The following GAS7 variants were observed in gnomAD, a reference collection of about 807,000 sequenced individuals.
The protein encoded by GAS7 is growth arrest specific 7, also known as growth arrest-specific protein 7.
Under a neutral mutation model 71.1 loss-of-function variants are expected in GAS7, and 28 were observed. The ratio of observed to expected loss-of-function variants is 0.39; its 90% CI spans 0.29 to 0.54. The LOEUF (loss-of-function observed/expected upper bound fraction) is 0.54, where lower values mean the gene tolerates loss of function less well. Ranked by LOEUF, GAS7 falls within the 20% of genes least tolerant of loss-of-function variation. The probability of loss-of-function intolerance (pLI) is 0.62; values close to 1 mark genes in which losing one functional copy is unlikely to be tolerated. For synonymous variants in GAS7, 258 were observed against 245.8 expected, an observed-to-expected ratio of 1.05 and a Z score of -0.46; for missense variants, 436 against 627.8, an observed-to-expected ratio of 0.69 and a Z score of 3.27.
intron 1 of GAS7, among the ~76,000 whole-genome samples, chr17:10,195,549 A>G (rs776812999): frequency 6.6e-6 from 1 of 152,196 alleles, no homozygotes; most frequent in Non-Finnish European, 1.5e-5. Context: ...AGGCTAGTAC[A>G]GTCCATCTGT....
chr17:10,151,016 A>C (rs1343854000), intron 1 of GAS7, among the ~76,000 whole-genome samples: 1 of 152,216 alleles, frequency 6.6e-6, no homozygotes, highest in Non-Finnish European at 1.5e-5. Flanking sequence ...TAACGCATGA[A>C]GTTGTTGTTA....
intron 1 of GAS7, among the ~76,000 whole-genome samples, chr17:10,067,872 G>T (rs2073298579): frequency 6.6e-6 from 1 of 152,170 alleles, no homozygotes; most frequent in African/African-American, 2.4e-5. Context: ...AACTGAATCA[G>T]GTCCTTCGGA....
In GAS7 at chr17:9,910,874, C is replaced by G. The variant is rs2073296188; in HGVS notation, c.*6354G>C. On this transcript the variant is annotated 3_prime_UTR_variant, in exon 14 of 14. Transcript: ENST00000432992. ...GGAAGGATATACAATGTGGAGGAAA[C>G]ACATTCATACCGGGGTGAGGAGTGC... is the stretch of plus-strand genomic sequence containing the variant. 1 of 229,008 alleles carries G rather than the reference C, an allele frequency of 4.4e-6. No individual in the cohort carries two copies. The highest frequency in any genetic ancestry group is 1.8e-4 in the South Asian group (1 of 5,470). 14.2% of individuals were successfully genotyped at this position (229,008 alleles called of 1,614,324 possible). A position where few individuals can be genotyped will look rare whatever the true frequency, so the allele number is the denominator to read the frequency against.
At chr17:10,007,472 A>C (rs1043592943) in intron 2 of GAS7, among the ~76,000 whole-genome samples, 1 of 151,950 alleles carries the variant, frequency 6.6e-6, no homozygotes, top group Admixed American at 6.6e-5. Context: ...TAAAAATACA[A>C]AATTAGCCAG....
At chr17:10,086,845 GATA>G (rs1016675228) in intron 1 of GAS7, among the ~76,000 whole-genome samples, 3 of 152,310 alleles carry the variant, frequency 2.0e-5, no homozygotes, top group Admixed American at 6.5e-5. Flanking sequence ...ACGCATCACA[GATA>G]ATGATACTGG....
intron 1 of GAS7, among the ~76,000 whole-genome samples, chr17:10,100,007 A>G (rs888465527): frequency 2.6e-5 from 4 of 152,240 alleles, no homozygotes; most frequent in African/African-American, 9.6e-5. Flanking sequence ...ATAGAAGATC[A>G]GGAATGGAAA....
chr17:10,119,978 C>T (rs951747015), intron 1 of GAS7, among the ~76,000 whole-genome samples: 4 of 152,156 alleles, frequency 2.6e-5, no homozygotes, highest in African/African-American at 9.7e-5. Flanking sequence ...GCAGCTCAAG[C>T]CTCTGACCAC....
intron 3 of GAS7, among the ~76,000 whole-genome samples, chr17:9,973,823 C>G (rs1301570612): frequency 6.6e-6 from 1 of 152,206 alleles, no homozygotes; most frequent in African/African-American, 2.4e-5. Context: ...TGACCCTGGT[C>G]TTAAAATCAA....
intron 12 of GAS7, among the ~76,000 whole-genome samples, chr17:9,918,491 C>G (rs1313236033): frequency 6.6e-6 from 1 of 152,226 alleles, no homozygotes; most frequent in Non-Finnish European, 1.5e-5. Flanking sequence ...AGGATTTAAA[C>G]CAGAGTCCAT....
intron 2 of GAS7, among the ~76,000 whole-genome samples, chr17:10,009,657 G>GGACCCCTTCT (rs2071682808): frequency 7.8e-6 from 1 of 128,016 alleles, no homozygotes. Flanking sequence ...GGGCAATATA[G>GGACCCCTTCT]CAAGACCCCT....
intron 1 of GAS7, among the ~76,000 whole-genome samples, chr17:10,161,379 C>T (rs955655126): frequency 1.3e-5 from 2 of 152,196 alleles, no homozygotes; most frequent in African/African-American, 4.8e-5. Context: ...ACCAATAGTT[C>T]ACTCATTTTC....
At chr17:9,986,499 C>A (rs993381342) in intron 2 of GAS7, among the ~76,000 whole-genome samples, 6 of 152,310 alleles carry the variant, frequency 3.9e-5, no homozygotes, top group African/African-American at 1.4e-4. Flanking sequence ...GTCCCCGTTC[C>A]TCTCCCCATC....
At chr17:9,929,799 A>AG (rs2068145634) in intron 9 of GAS7, among the ~76,000 whole-genome samples, 1 of 149,968 alleles carries the variant, frequency 6.7e-6, no homozygotes, top group African/African-American at 2.5e-5. Flanking sequence ...TTTAAAAGAC[A>AG]GTTTTTTTTT....
intron 1 of GAS7, among the ~76,000 whole-genome samples, chr17:10,148,906 C>T (rs112219332): frequency 0.73 from 99,572 of 136,832 alleles, 36,856 homozygotes; most frequent in African/African-American, 0.88. Flanking sequence ...AAAGACTCCG[C>T]CTCAAAAAAA....
intron 1 of GAS7, among the ~76,000 whole-genome samples, chr17:10,023,251 G>A (rs537370260): frequency 2.0e-3 from 308 of 152,302 alleles, no homozygotes; most frequent in Non-Finnish European, 3.3e-3. Context: ...TCCCGAGGCA[G>A]CCACAGTCCC....
chr17:9,921,831 C>T lies in GAS7; in HGVS notation c.1139-2126G>A, dbSNP rs544292145. The stretch of plus-strand genomic sequence containing the variant: ...AAAATTAGCCAGGCGTGGTGGCAGG[C>T]GCCTGTAGTCCCAGCTACTCGGGAG... On this transcript the variant is annotated intron_variant, in intron 11 of 13. Transcript: ENST00000432992. Among the ~76,000 whole-genome samples the T allele has an allele frequency of 7.0e-4, 107 of 151,982 alleles. No individual in the cohort carries two copies. In the South Asian group the frequency reaches 9.6e-3, roughly 14 times the overall value.
intron 1 of GAS7, among the ~76,000 whole-genome samples, chr17:10,188,575 G>A (rs1220417167): frequency 6.6e-6 from 1 of 151,886 alleles, no homozygotes; most frequent in Non-Finnish European, 1.5e-5. Context: ...AATTAAATTT[G>A]CAATTATTCA....
rs1567752554 is a variant in GAS7, at chr17:9,911,025, G to A, written c.*6203C>T. Reference sequence around the variant, plus strand: ...CCACTTTCATAGGGTTTGCCGATGTGCTCGTGTCTGTGAAGGGGTTGCTTC... The same window carrying A: ...CCACTTTCATAGGGTTTGCCGATGTACTCGTGTCTGTGAAGGGGTTGCTTC... On this transcript the variant is annotated 3_prime_UTR_variant, in exon 14 of 14. Coordinates refer to ENST00000432992, the MANE Select transcript of GAS7 (RefSeq NM_201433.2). This position sits in a 1 kb window ranked among gnomAD's most constrained non-coding sequence, Gnocchi z 4.0. The A allele has an allele frequency of 1.3e-5, 3 of 233,132 alleles. No individual in the cohort carries two copies. The highest frequency in any genetic ancestry group is 2.5e-5 in the Non-Finnish European group (3 of 117,790). The allele number at this position is 233,132 out of a possible 1,614,324, so 14.4% of individuals were successfully genotyped here. A position where few individuals can be genotyped will look rare whatever the true frequency, so the allele number is the denominator to read the frequency against.
chr17:10,004,743 G>A (rs767508498), intron 2 of GAS7, among the ~76,000 whole-genome samples: 10 of 152,192 alleles, frequency 6.6e-5, no homozygotes, highest in Non-Finnish European at 1.2e-4. Flanking sequence ...TGGGCACGGT[G>A]GCTCGTGCCT....
Sources: allele counts gnomAD v4.1 joint callset (sites outside exome capture counted in the v4.1 genomes callset), GRCh38; gene constraint gnomAD v4.1.1; non-coding constraint Gnocchi (gnomAD v3.1); transcripts MANE v1.5; gene names NCBI Gene and HGNC (gene_info 2026-07-23, HGNC 2026-07-21).